PCSK5: variants seen among roughly 807,000 people sequenced by gnomAD.
PCSK5 encodes prohormone convertase 5.
PCSK5 carries 129 observed loss-of-function variants against 233.2 expected under a neutral mutation model. The ratio of observed to expected loss-of-function variants is 0.55; its 90% CI spans 0.48 to 0.64. The LOEUF (loss-of-function observed/expected upper bound fraction) is 0.64, where lower values mean the gene tolerates loss of function less well. PCSK5 is among the 30% of genes least tolerant of loss of function. The probability of loss-of-function intolerance (pLI) is 0.00; values close to 1 mark genes in which losing one functional copy is unlikely to be tolerated. For missense variants in PCSK5, 2,076 were observed against 2,430.1 expected, an observed-to-expected ratio of 0.85 and a Z score of 3.06; for synonymous variants, 825 against 879.2, an observed-to-expected ratio of 0.94 and a Z score of 1.09.
chr9:76,329,126 TG>T lies in PCSK5; in HGVS notation c.4570+888del, dbSNP rs766019139. Among the ~76,000 whole-genome samples, 373 of 150,244 alleles carry T rather than the reference TG, an allele frequency of 2.5e-3. 1 individual carries two copies. The highest frequency in any genetic ancestry group is 4.2e-3 in the Non-Finnish European group (286 of 67,542). On this transcript the variant is annotated intron_variant, in intron 33 of 37. Transcript: ENST00000674117. ...GAGCCACTGCGCCCGGCCACTTTTT[TG>T]TTTGTTTGTTTTTTGTTTTAAGAGA...
intron 8 of PCSK5, among the ~76,000 whole-genome samples, chr9:76,101,316 T>A (rs116514200): frequency 0.015 from 2,294 of 152,296 alleles, 55 homozygotes; most frequent in African/African-American, 0.05. Context: ...CAGAGAAACT[T>A]CTTCTGTCGG....
At chr9:76,225,567 T>G (rs1000531254) in intron 20 of PCSK5, among the ~76,000 whole-genome samples, 4 of 152,206 alleles carry the variant, frequency 2.6e-5, no homozygotes, top group Non-Finnish European at 4.4e-5. Context: ...GTACCTGGAC[T>G]GATAATCACC....
At chr9:76,147,926 G>T (rs1210453858) in intron 10 of PCSK5, among the ~76,000 whole-genome samples, 1 of 152,004 alleles carries the variant, frequency 6.6e-6, no homozygotes, top group Non-Finnish European at 1.5e-5. Context: ...ACTCGTAAAG[G>T]GGGAGAAAAG....
intron 2 of PCSK5, among the ~76,000 whole-genome samples, chr9:75,982,156 C>T (rs1826303992): frequency 6.6e-6 from 1 of 152,038 alleles, no homozygotes; most frequent in African/African-American, 2.4e-5. Flanking sequence ...ACATTAAGAC[C>T]ATTTCATTCT....
At chr9:76,277,780 T>C (rs1827739164) in intron 24 of PCSK5, among the ~76,000 whole-genome samples, 1 of 152,202 alleles carries the variant, frequency 6.6e-6, no homozygotes. Context: ...TGTTAATTAT[T>C]TGAGGCAATT....
At chr9:76,092,139 A>G (rs1831316300) in intron 7 of PCSK5, among the ~76,000 whole-genome samples, 1 of 152,120 alleles carries the variant, frequency 6.6e-6, no homozygotes, top group Non-Finnish European at 1.5e-5. Flanking sequence ...GTTGGAAACT[A>G]CGTCCTACCT....
intron 22 of PCSK5, among the ~76,000 whole-genome samples, chr9:76,236,249 G>A (rs898564727): frequency 5.9e-5 from 9 of 152,016 alleles, no homozygotes; most frequent in South Asian, 2.1e-4. Context: ...AGTCCTTTTC[G>A]CCTCATGCCT....
At chr9:75,955,477 C>G (rs2131333258) in intron 2 of PCSK5, among the ~76,000 whole-genome samples, 1 of 152,266 alleles carries the variant, frequency 6.6e-6, no homozygotes, top group Non-Finnish European at 1.5e-5. Context: ...TAGTTTTAAA[C>G]TGTAGCCTCA....
At chr9:75,920,046 G>C (rs1823179453) in intron 1 of PCSK5, among the ~76,000 whole-genome samples, 1 of 152,172 alleles carries the variant, frequency 6.6e-6, no homozygotes, top group South Asian at 2.1e-4. Flanking sequence ...GCACATGCCT[G>C]TAATCCCAAC....
chr9:76,312,607 G>A (rs1401847864), intron 30 of PCSK5, among the ~76,000 whole-genome samples: 1 of 151,560 alleles, frequency 6.6e-6, no homozygotes, highest in Non-Finnish European at 1.5e-5. Context: ...ATAAATATAA[G>A]TTATGAGTAT....
intron 9 of PCSK5, among the ~76,000 whole-genome samples, chr9:76,129,338 C>T (rs1489537481): frequency 3.3e-5 from 5 of 152,220 alleles, no homozygotes; most frequent in East Asian, 1.9e-4. Flanking sequence ...TGGATATTTG[C>T]GATGCTGATT....
intron 3 of PCSK5, among the ~76,000 whole-genome samples, chr9:75,991,749 C>A (rs897848598): frequency 1.3e-5 from 2 of 152,000 alleles, no homozygotes; most frequent in Non-Finnish European, 2.9e-5. Context: ...CGTTTTTTCA[C>A]GACTAAAGAA....
chr9:76,329,995 A>G (rs1376461595), intron 33 of PCSK5, among the ~76,000 whole-genome samples: 1 of 152,104 alleles, frequency 6.6e-6, no homozygotes, highest in Non-Finnish European at 1.5e-5. Context: ...TGATCTCCAC[A>G]TGCCTTTCCT....
intron 8 of PCSK5, among the ~76,000 whole-genome samples, chr9:76,100,679 C>A (rs1240765446): frequency 6.6e-6 from 1 of 152,188 alleles, no homozygotes; most frequent in Non-Finnish European, 1.5e-5. Context: ...GTTTTGAGTT[C>A]TTTTCAGTCA....
chr9:76,157,768 G>A (rs553697132), intron 11 of PCSK5, among the ~76,000 whole-genome samples: 3 of 149,444 alleles, frequency 2.0e-5, no homozygotes, highest in Admixed American at 6.6e-5. Flanking sequence ...AATTTGTTTG[G>A]AAGCAGAAGT....
intron 32 of PCSK5, among the ~76,000 whole-genome samples, chr9:76,324,362 C>T (rs1195927989): frequency 2.0e-5 from 3 of 152,070 alleles, no homozygotes; most frequent in Admixed American, 6.6e-5. Flanking sequence ...TCCTGAGTAG[C>T]TGGGATTATA....
intron 35 of PCSK5, among the ~76,000 whole-genome samples, chr9:76,340,513 C>T (rs931836370): frequency 2.0e-5 from 3 of 151,158 alleles, no homozygotes; most frequent in African/African-American, 4.9e-5. Flanking sequence ...GGCGTAGTGG[C>T]GGGTGCCTGT....
In PCSK5 at chr9:76,159,062, T is replaced by A; in HGVS notation, c.1510T>A (p.Tyr504Asn). 6.2e-7 allele frequency: 1 copy of A among 1,614,084 alleles called. No individual in the cohort carries two copies. The highest frequency in any genetic ancestry group is 8.5e-7 in the Non-Finnish European group (1 of 1,179,946). ...GGATAACCCCAACCGCCATGTCAACTACCTGGAGCACGTCGTTGTGCGCAT... is the reference window on the plus strand; with the variant it reads ...GGATAACCCCAACCGCCATGTCAACAACCTGGAGCACGTCGTTGTGCGCAT... Reference protein sequence around the residue: ...CSDNPNRHVNYLEHVVVRITI... With the variant: ...CSDNPNRHVNNLEHVVVRITI... Residue 504 changes from tyrosine (Y) to asparagine (N), a missense_variant, in exon 12 of 38, where the codon TAC becomes AAC. Around this residue, in one of 6 missense-constraint regions of PCSK5, gnomAD observed 64 missense variants for 68.6 expected, o/e 0.93. Transcript: ENST00000674117.
chr9:75,994,958 G>A (rs1182354207), intron 3 of PCSK5, among the ~76,000 whole-genome samples: 1 of 152,096 alleles, frequency 6.6e-6, no homozygotes, highest in East Asian at 1.9e-4. Context: ...CAAACATCTT[G>A]CAATACTTTC....
Sources: gnomAD v4.1 joint callset for allele counts (sites outside exome capture counted in the v4.1 genomes callset) on GRCh38, gnomAD v4.1.1 for gene constraint, gnomAD v4.1.1 regional missense constraint, MANE v1.5 for transcripts, NCBI Gene and HGNC (gene_info 2026-07-23, HGNC 2026-07-21) for gene names.